JPH3: variants seen among roughly 807,000 people sequenced by gnomAD.
The protein encoded by JPH3 is junctophilin 3.
In JPH3, 11 loss-of-function variants were observed where a neutral mutation model predicts 59.6. The observed-to-expected ratio is 0.18, with a 90% CI of 0.12 to 0.31. The LOEUF is 0.31. Ranked by LOEUF, JPH3 falls within the 10% of genes least tolerant of loss-of-function variation. JPH3 has a pLI of 1.00. For missense variants in JPH3, 1,202 were observed against 1,105.7 expected (o/e 1.09, Z -1.24); for synonymous variants, 673 against 483.6 (o/e 1.39, Z -5.14).
chr16:87,670,056 G>T (rs927605701), intron 2 of JPH3, among the ~76,000 whole-genome samples: 1 of 152,120 alleles, frequency 6.6e-6, no homozygotes, highest in Non-Finnish European at 1.5e-5. Context: ...GGACACAGGC[G>T]TGGGGATTCC....
At chr16:87,650,753 G>T (rs1476235975) in intron 2 of JPH3, among the ~76,000 whole-genome samples, 5 of 152,248 alleles carry the variant, frequency 3.3e-5, no homozygotes, top group African/African-American at 1.2e-4. Flanking sequence ...CTCTAATGCT[G>T]TGAAGGCTGA....
rs575339669 is a variant in JPH3 at position 87,666,911 on chromosome 16, C to T, written c.1161-17231C>T. Among the ~76,000 whole-genome samples, 181 of 152,338 alleles carry T rather than the reference C, an allele frequency of 1.2e-3. 5 individuals carry two copies. The South Asian group carries it at 0.018, about 15-fold the overall frequency. On this transcript the variant is annotated intron_variant, in intron 2 of 4. Coordinates refer to ENST00000284262, the MANE Select transcript of JPH3 (RefSeq NM_020655.4). The stretch of plus-strand genomic sequence containing the variant: ...GCAGGGCTGGGATCTGAACCCAGGC[C>T]GTCGGCTCCTGGGCCTGTGTGCCCC...
chr16:87,603,520 C>A lies in JPH3; in HGVS notation c.374C>A (p.Ser125Ter). The change falls in exon 1 of 5, where the codon TCG becomes TAG. Residue 125 changes from serine (S) to a stop codon, truncating the protein, a stop_gained. Coordinates refer to ENST00000284262, the MANE Select transcript of JPH3 (RefSeq NM_020655.4). LOFTEE classifies it high-confidence loss of function. ...GACGGCTACGGGACCGAGACCTACT[C>A]GGACGGAGGTAGGTGCCGCGGGCCG... ...LQDGYGTETY[S>*]DGGTYQGQWV... 6.5e-7 allele frequency: 1 copy of A among 1,548,842 alleles called. No homozygotes were observed. Among genetic ancestry groups the A allele is most frequent in the Non-Finnish European group, 8.7e-7 (1 of 1,146,964 alleles).
intron 1 of JPH3, among the ~76,000 whole-genome samples, chr16:87,643,065 C>G (rs921270489): frequency 1.3e-5 from 2 of 152,182 alleles, no homozygotes; most frequent in East Asian, 1.9e-4. Context: ...CCCTCCCCAG[C>G]CCCTGCACCC....
chr16:87,634,837 G>T (rs566183885), intron 1 of JPH3, among the ~76,000 whole-genome samples: 2 of 152,246 alleles, frequency 1.3e-5, no homozygotes, highest in African/African-American at 4.8e-5. Context: ...GCTGAGAGAC[G>T]CTCTGTGTGG....
At chr16:87,670,350 G>C (rs532030145) in intron 2 of JPH3, among the ~76,000 whole-genome samples, 107 of 152,338 alleles carry the variant, frequency 7.0e-4, no homozygotes, top group African/African-American at 2.5e-3. Flanking sequence ...GGCCTCTGCA[G>C]GGTGGGTGGG....
intron 3 of JPH3, among the ~76,000 whole-genome samples, chr16:87,684,763 C>T (rs2033376373): frequency 1.3e-5 from 2 of 152,172 alleles, no homozygotes; most frequent in South Asian, 4.1e-4. Flanking sequence ...AATGGCAGCT[C>T]CCGCTGTGCC....
Position 87,603,308 on chromosome 16 carries a change from C to T in JPH3, c.162C>T (p.Thr54=). ...SHGFEVLGVY[T]WPSGNTYQGT... is the part of the protein sequence containing the mutation. ...GCTTCGAGGTGCTGGGCGTCTACAC[C>T]TGGCCCAGCGGCAACACGTACCAGG... Residue 54 remains threonine, a synonymous_variant, in exon 1 of 5, where the codon ACC becomes ACT. Coordinates refer to ENST00000284262, the MANE Select transcript of JPH3 (RefSeq NM_020655.4). The T allele has an allele frequency of 6.2e-7, 1 of 1,613,358 alleles. No homozygotes were observed. The highest frequency in any genetic ancestry group is 8.5e-7 in the Non-Finnish European group (1 of 1,179,844).
intron 2 of JPH3, among the ~76,000 whole-genome samples, chr16:87,645,612 C>T (rs1387522916): frequency 2.0e-5 from 3 of 152,332 alleles, no homozygotes; most frequent in East Asian, 1.9e-4. Flanking sequence ...GGCTGCATGA[C>T]TTACGGAATT....
chr16:87,624,181 C>T (rs553167580), intron 1 of JPH3, among the ~76,000 whole-genome samples: 2 of 152,326 alleles, frequency 1.3e-5, no homozygotes, highest in East Asian at 1.9e-4. Context: ...TTTCACACAC[C>T]GTACAATTCA....
At chr16:87,688,836 C>G (rs1030515851) in intron 3 of JPH3, among the ~76,000 whole-genome samples, 1 of 152,222 alleles carries the variant, frequency 6.6e-6, no homozygotes, top group East Asian at 1.9e-4. Context: ...TCGGGCATGG[C>G]TCCCGTGTCC....
chr16:87,618,775 G>C (rs1021987264), intron 1 of JPH3, among the ~76,000 whole-genome samples: 2 of 152,144 alleles, frequency 1.3e-5, no homozygotes, highest in African/African-American at 4.8e-5. Flanking sequence ...TGCCTGTTCA[G>C]ATCCTTGCCC....
At chr16:87,620,581 G>C (rs983333396) in intron 1 of JPH3, among the ~76,000 whole-genome samples, 44 of 150,406 alleles carry the variant, frequency 2.9e-4, no homozygotes, top group African/African-American at 1.0e-3. Flanking sequence ...GTCCTGCCAT[G>C]GGGGGGACGT....
At chr16:87,685,879 C>T (rs1376702218) in intron 3 of JPH3, among the ~76,000 whole-genome samples, 4 of 152,180 alleles carry the variant, frequency 2.6e-5, no homozygotes, top group African/African-American at 9.7e-5. Context: ...ACGCATCCAC[C>T]GGAAGCTCCC....
chr16:87,626,225 C>A (rs115316003), intron 1 of JPH3, among the ~76,000 whole-genome samples: 1 of 152,106 alleles, frequency 6.6e-6, no homozygotes, highest in Non-Finnish European at 1.5e-5. Context: ...GGGTGGGAAT[C>A]ATTTTTATCC....
intron 1 of JPH3, among the ~76,000 whole-genome samples, chr16:87,619,514 A>G (rs1052500226): frequency 6.6e-6 from 1 of 152,184 alleles, no homozygotes; most frequent in Non-Finnish European, 1.5e-5. Context: ...TACCAGGCAC[A>G]GTGCCATGCA....
In JPH3 at chr16:87,690,103, G is replaced by A. The variant is rs1008839686; in HGVS notation, c.1743G>A (p.Val581=). 6.3e-7 allele frequency: 1 copy of A among 1,575,170 alleles called. No homozygotes were observed. The change falls in exon 4 of 5, where the codon GTG becomes GTA. Residue 581 remains valine (V), a synonymous_variant. Transcript: ENST00000284262. ...PRERRTESPP[V]FTWTSHHRAS... The stretch of plus-strand genomic sequence containing the variant: ...AGCGGCGGACGGAGTCACCCCCCGT[G>A]TTCACGTGGACTTCCCACCACCGGG...
chr16:87,660,033 C>G (rs1356476639), intron 2 of JPH3, among the ~76,000 whole-genome samples: 1 of 152,142 alleles, frequency 6.6e-6, no homozygotes, highest in African/African-American at 2.4e-5. Context: ...GTGTGGAGGT[C>G]GGGGGTACCA....
At chr16:87,604,903 G>T (rs1295290512) in intron 1 of JPH3, 3 of 437,072 alleles carry the variant, frequency 6.9e-6, no homozygotes, top group Non-Finnish European at 1.4e-5. Flanking sequence ...GGAGCAGGTT[G>T]GAGAGCTTCC....
Sources: gnomAD v4.1 joint callset for allele counts (sites outside exome capture counted in the v4.1 genomes callset) on GRCh38, gnomAD v4.1.1 for gene constraint, MANE v1.5 for transcripts, NCBI Gene and HGNC (gene_info 2026-07-23, HGNC 2026-07-21) for gene names.